The following ZNF398 variants were observed in gnomAD, a reference collection of about 807,000 sequenced individuals.
ZNF398 encodes zinc finger protein 398.
ZNF398 carries 18 observed loss-of-function variants against 41.9 expected under a neutral mutation model. The ratio of observed to expected loss-of-function variants is 0.43; its 90% CI spans 0.30 to 0.64. The LOEUF (loss-of-function observed/expected upper bound fraction) is 0.64, where lower values mean the gene tolerates loss of function less well. Among genes scored for constraint, ZNF398 ranks in the 30% least tolerant of loss-of-function variants. The pLI is 0.14. For synonymous variants in ZNF398, 260 were observed against 308.8 expected (o/e 0.84, Z 1.66); for missense variants, 669 against 822.8 (o/e 0.81, Z 2.29).
chr7:149,152,332 G>A (rs1428831290), intron 1 of ZNF398, among the ~76,000 whole-genome samples: 1 of 149,780 alleles, frequency 6.7e-6, no homozygotes, highest in Non-Finnish European at 1.5e-5. Context: ...GCGAAGTTGG[G>A]TTGCTGTAAG....
intron 4 of ZNF398, among the ~76,000 whole-genome samples, chr7:149,175,686 G>T (rs1795446120): frequency 6.6e-6 from 1 of 152,046 alleles, no homozygotes; most frequent in Non-Finnish European, 1.5e-5. Context: ...TTTTTTGTTT[G>T]TTTGTTTGTT....
chr7:149,159,797 C>T (rs1254516813), intron 2 of ZNF398, among the ~76,000 whole-genome samples: 2 of 151,924 alleles, frequency 1.3e-5, no homozygotes, highest in Non-Finnish European at 2.9e-5. Flanking sequence ...GCACAGTCTC[C>T]ACTCACTTCA....
At chr7:149,153,007 T>G (rs1418476253) in intron 1 of ZNF398, among the ~76,000 whole-genome samples, 1 of 151,862 alleles carries the variant, frequency 6.6e-6, no homozygotes. Flanking sequence ...GTTACAGATG[T>G]GCACCATCAC....
intron 4 of ZNF398, among the ~76,000 whole-genome samples, chr7:149,175,608 G>A (rs1261102808): frequency 1.3e-5 from 2 of 152,190 alleles, no homozygotes; most frequent in Admixed American, 6.5e-5. Flanking sequence ...AATCTGAAAA[G>A]TGTGTTTCTA....
At chr7:149,169,450 T>C (rs1446240899) in intron 4 of ZNF398, among the ~76,000 whole-genome samples, 1 of 152,186 alleles carries the variant, frequency 6.6e-6, no homozygotes, top group Non-Finnish European at 1.5e-5. Context: ...TGTTTGTTTT[T>C]AAGACAAGGT....
intron 4 of ZNF398, among the ~76,000 whole-genome samples, chr7:149,174,831 C>T (rs2129521660): frequency 6.6e-6 from 1 of 152,164 alleles, no homozygotes; most frequent in East Asian, 1.9e-4. Context: ...GTCTCAAAAA[C>T]AAACAAACAA....
At chr7:149,152,317 G>T (rs1405303698) in intron 1 of ZNF398, among the ~76,000 whole-genome samples, 5 of 144,834 alleles carry the variant, frequency 3.5e-5, no homozygotes, top group African/African-American at 1.3e-4. Flanking sequence ...CTGGAGTGCA[G>T]TGGCGCGAAG....
At chr7:149,144,809 C>T (rs927139710), upstream of ZNF398, among the ~76,000 whole-genome samples, 4 of 150,152 alleles carry the variant, frequency 2.7e-5, no homozygotes, top group African/African-American at 7.4e-5. Flanking sequence ...GGCTGGTCTC[C>T]AACTCCTGAC....
chr7:149,126,534 G>T, exon 1 of ZNF398: 1 of 474,146 alleles, frequency 2.1e-6, no homozygotes, highest in Non-Finnish European at 3.7e-6. Flanking sequence ...CGAGATGAGG[G>T]AGCTGACGGG....
chr7:149,148,795 C>A (rs1461609749), intron 1 of ZNF398, among the ~76,000 whole-genome samples: 1 of 150,770 alleles, frequency 6.6e-6, no homozygotes, highest in African/African-American at 2.4e-5. Context: ...GCTTTAAATG[C>A]GGCCCAACAC....
chr7:149,150,861 A>G (rs920239844), intron 1 of ZNF398, among the ~76,000 whole-genome samples: 2 of 152,132 alleles, frequency 1.3e-5, no homozygotes, highest in East Asian at 3.9e-4. Context: ...ATGGCTTGCC[A>G]CCACACCCAG....
Position 149,179,388 on chromosome 7 carries a change from A to G in ZNF398, c.1516A>G (p.Thr506Ala). ...CCTGATCCGCCACCAGATGATCCACACAGGCGAGCGTCCTTACCCCTGCAC... is the reference window on the plus strand; with the variant it reads ...CCTGATCCGCCACCAGATGATCCACGCAGGCGAGCGTCCTTACCCCTGCAC... ...SALIRHQMIH[T>A]GERPYPCTDC... is the part of the protein sequence containing the mutation. The change falls in exon 6 of 6, where the codon ACA (threonine) becomes GCA (alanine). Residue 506 changes from threonine to alanine, a missense_variant. Thr to Ala is a moderately conservative substitution (Grantham distance 58). Around this residue, in one of 3 missense-constraint regions of ZNF398, gnomAD observed 210 missense variants for 290.4 expected, o/e 0.72. Transcript: ENST00000475153. This position sits in a 1 kb window ranked among gnomAD's most constrained non-coding sequence, Gnocchi z 6.1. 1 of 1,613,716 alleles carries G rather than the reference A, an allele frequency of 6.2e-7. No individual in the cohort carries two copies. The highest frequency in any genetic ancestry group is 8.5e-7 in the Non-Finnish European group (1 of 1,180,030).
intron 4 of ZNF398, among the ~76,000 whole-genome samples, chr7:149,175,265 A>G (rs1180429932): frequency 6.6e-6 from 1 of 152,160 alleles, no homozygotes; most frequent in Non-Finnish European, 1.5e-5. Context: ...TGTTTGAGAA[A>G]TAACTATAGA....
chr7:149,155,962 G>A (rs1277414729), intron 2 of ZNF398, among the ~76,000 whole-genome samples: 3 of 151,698 alleles, frequency 2.0e-5, no homozygotes, highest in Admixed American at 6.6e-5. Flanking sequence ...TCCTGACCTC[G>A]TGATCCGCTC....
At position 149,147,865 on chromosome 7, in the gene ZNF398, T is replaced by A. The variant is rs1245334789; in HGVS notation, c.24+99T>A. The stretch of plus-strand genomic sequence containing the variant: ...GAGCTGCCAGGCATAGGCGCCGTTC[T>A]CGGGTCCCGCCGGCCACGTCGCCTG... On this transcript the variant is annotated intron_variant, in intron 1 of 5. Coordinates refer to ENST00000475153, the MANE Select transcript of ZNF398 (RefSeq NM_170686.3). This position sits in a 1 kb window ranked among gnomAD's most constrained non-coding sequence, Gnocchi z 5.6. 1 of 1,270,434 alleles carries A rather than the reference T, an allele frequency of 7.9e-7. No individual in the cohort carries two copies. Among genetic ancestry groups the A allele is most frequent in the Non-Finnish European group, 1.0e-6 (1 of 994,902 alleles). 78.7% of individuals were successfully genotyped at this position (1,270,434 alleles called of 1,614,324 possible). A position where few individuals can be genotyped will look rare whatever the true frequency, so the allele number is the denominator to read the frequency against.
In ZNF398 at chr7:149,176,203, C is replaced by T. The variant is rs961705347; in HGVS notation, c.662-265C>T. 5.9e-5 allele frequency among the ~76,000 whole-genome samples: 9 copies of T among 151,910 alleles called. No individual in the cohort carries two copies. In the South Asian group the frequency reaches 6.3e-4, roughly 11 times the overall value. ...AAAATTTAAAAAAAACTTAGCTGGG[C>T]GTGGTGGCAGGCGCCTGTAGTCCCA... On this transcript the variant is annotated intron_variant, in intron 4 of 5. Transcript: ENST00000475153.
At chr7:149,177,786 C>A (rs1472178388) in intron 5 of ZNF398, among the ~76,000 whole-genome samples, 1 of 152,120 alleles carries the variant, frequency 6.6e-6, no homozygotes, top group Non-Finnish European at 1.5e-5. Context: ...GTGAAAGTAA[C>A]GTTGGGAAGA....
At chr7:149,161,846 T>C (rs1346072807) in intron 2 of ZNF398, among the ~76,000 whole-genome samples, 1 of 147,484 alleles carries the variant, frequency 6.8e-6, no homozygotes, top group Non-Finnish European at 1.5e-5. Context: ...AAAGCCCAAA[T>C]ACAGCAAGAA....
At chr7:149,128,755 A>AAAAAAATAAAATAAAATAAAATAAAAT (rs147294426) in intron 1 of ZNF398, 2 of 112,662 alleles carry the variant, frequency 1.8e-5, no homozygotes, top group Non-Finnish European at 3.4e-5. Context: ...TCTGTCTCAA[A>AAAAAAATAAAATAAAATAAAATAAAAT]AAAATAAAAT....
Sources: gnomAD v4.1 joint callset for allele counts (sites outside exome capture counted in the v4.1 genomes callset) on GRCh38, gnomAD v4.1.1 for gene constraint, gnomAD v4.1.1 regional missense constraint, Gnocchi (gnomAD v3.1) non-coding constraint, MANE v1.5 for transcripts, NCBI Gene and HGNC (gene_info 2026-07-23, HGNC 2026-07-21) for gene names.